Variants in COG5 observed in about 807,000 individuals in gnomAD.
COG5 encodes the protein conserved oligomeric Golgi complex subunit 5.
COG5 carries 86 observed loss-of-function variants against 110.4 expected under a neutral mutation model. That is an observed-to-expected ratio of 0.78 (90% CI 0.65 to 0.93). The LOEUF is 0.93. Among genes scored for constraint, COG5 ranks in the 40% least tolerant of loss-of-function variants. The pLI is 0.00. For synonymous variants in COG5, 360 were observed against 334.6 expected (o/e 1.08, Z -0.83); for missense variants, 1,077 against 987.0 (o/e 1.09, Z -1.22).
chr7:107,374,136 T>C (rs1814429472), intron 7 of COG5, among the ~76,000 whole-genome samples: 2 of 152,156 alleles, frequency 1.3e-5, no homozygotes, highest in Non-Finnish European at 2.9e-5. Flanking sequence ...TTTTATGTTG[T>C]AAATTCTCTA....
intron 10 of COG5, among the ~76,000 whole-genome samples, chr7:107,354,325 T>C (rs1421238922): frequency 6.6e-6 from 1 of 152,234 alleles, no homozygotes; most frequent in East Asian, 1.9e-4. Context: ...GGCAAGATTC[T>C]TTACTAGCTA....
At chr7:107,535,312 C>G (rs1459027059) in intron 5 of COG5, among the ~76,000 whole-genome samples, 1 of 151,088 alleles carries the variant, frequency 6.6e-6, no homozygotes, top group East Asian at 1.9e-4. Context: ...CAAGAAATAA[C>G]TAAGAGCAGA....
chr7:107,392,008 T>C (rs959251399), intron 7 of COG5, among the ~76,000 whole-genome samples: 5 of 152,160 alleles, frequency 3.3e-5, no homozygotes, highest in African/African-American at 7.2e-5. Flanking sequence ...GGAGAAATGC[T>C]TGAACCTGGG....
At chr7:107,468,307 T>C (rs920227825) in intron 6 of COG5, among the ~76,000 whole-genome samples, 5 of 152,312 alleles carry the variant, frequency 3.3e-5, no homozygotes, top group Admixed American at 1.3e-4. Flanking sequence ...ACTTGAACTC[T>C]GGCAGAAAAG....
intron 3 of COG5, among the ~76,000 whole-genome samples, chr7:107,554,040 T>G (rs1803115486): frequency 6.6e-6 from 1 of 152,224 alleles, no homozygotes; most frequent in Non-Finnish European, 1.5e-5. Flanking sequence ...AAACAAGGAT[T>G]TGAACCCAGA....
chr7:107,248,751 T>G (rs890816532), intron 16 of COG5, among the ~76,000 whole-genome samples: 1 of 152,130 alleles, frequency 6.6e-6, no homozygotes, highest in Non-Finnish European at 1.5e-5. Context: ...GGTTCAGTGG[T>G]TAAATAAGCC....
intron 6 of COG5, among the ~76,000 whole-genome samples, chr7:107,416,569 TA>T (rs1269709479): frequency 6.6e-6 from 1 of 152,206 alleles, no homozygotes; most frequent in Non-Finnish European, 1.5e-5. Context: ...TTATATATGT[TA>T]AAAATGTGTT....
intron 6 of COG5, among the ~76,000 whole-genome samples, chr7:107,514,329 TACACACACACACACACACAC>T (rs61351697): frequency 7.5e-5 from 11 of 145,742 alleles, no homozygotes; most frequent in East Asian, 5.9e-4. Flanking sequence ...TGGCCTATTT[TACACACACACACACACACAC>T]ACACACACAC....
chr7:107,210,039 G>T, intron 21 of COG5: 4 of 1,025,988 alleles, frequency 3.9e-6, no homozygotes, highest in Non-Finnish European at 4.7e-6. Context: ...GCGTATGTAT[G>T]TGAATGCATT....
intron 6 of COG5, among the ~76,000 whole-genome samples, chr7:107,491,983 A>G (rs1797998338): frequency 6.6e-6 from 1 of 152,144 alleles, no homozygotes; most frequent in African/African-American, 2.4e-5. Context: ...AGATGGACAC[A>G]TATAAAAGAT....
At chr7:107,324,582 T>G in intron 10 of COG5, 61 bp from the exon 11 acceptor site, 1 of 964,534 alleles carries the variant, frequency 1.0e-6, no homozygotes, top group Non-Finnish European at 1.6e-6. Context: ...TAAGAAATCA[T>G]AATGGGTAAC....
intron 11 of COG5, among the ~76,000 whole-genome samples, chr7:107,322,820 A>C (rs1809422489): frequency 6.6e-6 from 1 of 152,180 alleles, no homozygotes; most frequent in Non-Finnish European, 1.5e-5. Flanking sequence ...TTGTTTCTCA[A>C]CTGCAGAATG....
intron 16 of COG5, chr7:107,252,906 T>C (rs1049373405): frequency 6.6e-6 from 1 of 152,178 alleles, no homozygotes; most frequent in African/African-American, 2.4e-5. Flanking sequence ...GGAACTTGTT[T>C]AGTCTGACAA....
chr7:107,427,217 A>G (rs1793698259), intron 6 of COG5, among the ~76,000 whole-genome samples: 2 of 152,182 alleles, frequency 1.3e-5, no homozygotes, highest in Non-Finnish European at 2.9e-5. Context: ...TCATGAGGTA[A>G]GGAAAATAAT....
intron 7 of COG5, among the ~76,000 whole-genome samples, chr7:107,386,504 G>A (rs773730716): frequency 3.9e-5 from 6 of 152,168 alleles, no homozygotes; most frequent in African/African-American, 9.7e-5. Flanking sequence ...GAAAAGCACC[G>A]CGCAGTCAGT....
intron 6 of COG5, among the ~76,000 whole-genome samples, chr7:107,442,982 C>A (rs1432409820): frequency 6.6e-6 from 1 of 152,110 alleles, no homozygotes; most frequent in Non-Finnish European, 1.5e-5. Flanking sequence ...CAAGGGTTTT[C>A]CCTTGCTGCA....
At chr7:107,258,421 A>G (rs1278193784) in intron 14 of COG5, 38 bp from the exon 15 acceptor site, 6 of 1,158,742 alleles carry the variant, frequency 5.2e-6, no homozygotes, top group Non-Finnish European at 7.8e-6. Flanking sequence ...TGTCAGAATG[A>G]TAATTCTCTC....
intron 5 of COG5, among the ~76,000 whole-genome samples, chr7:107,535,518 G>A (rs971788431): frequency 2.7e-5 from 4 of 148,284 alleles, no homozygotes; most frequent in Admixed American, 2.6e-4. Flanking sequence ...TACCATCACA[G>A]AATACCATAA....
At chr7:107,304,087 G>C (rs1302027106) in intron 11 of COG5, among the ~76,000 whole-genome samples, 1 of 152,034 alleles carries the variant, frequency 6.6e-6, no homozygotes, top group Non-Finnish European at 1.5e-5. Flanking sequence ...GGTAATAATA[G>C]GTCTGGGGAA....
Sources: allele counts gnomAD v4.1 joint callset (sites outside exome capture counted in the v4.1 genomes callset), GRCh38; gene constraint gnomAD v4.1.1; transcripts MANE v1.5; gene names NCBI Gene and HGNC (gene_info 2026-07-23, HGNC 2026-07-21).